MAP3K15: variants seen among roughly 807,000 people sequenced by gnomAD.
MAP3K15 encodes mitogen-activated protein kinase kinase kinase 15, also known as MAPK/ERK kinase kinase 15.
In MAP3K15, 124 loss-of-function variants were observed where a neutral mutation model predicts 99.5. That is an observed-to-expected ratio of 1.25 (90% confidence interval 1.08 to 1.45). The LOEUF (loss-of-function observed/expected upper bound fraction) is 1.45, where lower values mean the gene tolerates loss of function less well. Ranked by LOEUF, MAP3K15 falls within the 40% of genes most tolerant of loss-of-function variation. MAP3K15 has a pLI of 0.00. For missense variants in MAP3K15, 1,242 were observed against 1,079.7 expected, an observed-to-expected ratio of 1.15 and a Z score of -2.11; for synonymous variants, 494 against 439.6, an observed-to-expected ratio of 1.12 and a Z score of -1.55.
chrX:19,400,888 G>C (rs2063603401), intron 13 of MAP3K15, among the ~76,000 whole-genome samples: 2 of 111,461 alleles, frequency 1.8e-5, no homozygotes, highest in Admixed American at 1.9e-4. Context: ...TCCACCAACT[G>C]GTTGACCAAT....
At position 19,515,085 on chromosome X, in the gene MAP3K15, C is replaced by G; in HGVS notation, c.177G>C (p.Arg59=). 1.1e-6 allele frequency: 1 copy of G among 871,191 alleles called. No homozygotes were observed. The highest frequency in any genetic ancestry group is 1.5e-6 in the Non-Finnish European group (1 of 675,545). The allele number at this position is 871,191 out of a possible 1,213,427, so 71.8% of individuals were successfully genotyped here. ...GEGESGGGPR[R]ALRAVYVRSE... The stretch of plus-strand genomic sequence containing the variant: ...TGCGCACGTATACTGCCCGCAGAGC[C>G]CGCCGCGGCCCGCCCCCACTCTCGC... The change falls in exon 1 of 29, where the codon CGG becomes CGC. Residue 59 remains arginine (R), a synonymous_variant. Coordinates refer to ENST00000338883, the MANE Select transcript of MAP3K15 (RefSeq NM_001001671.4).
intron 25 of MAP3K15, among the ~76,000 whole-genome samples, chrX:19,363,287 G>C (rs1348341775): frequency 3.6e-5 from 4 of 112,140 alleles, no homozygotes; most frequent in Non-Finnish European, 7.5e-5. Context: ...CACACCGCGA[G>C]AAGATGGCCA....
intron 9 of MAP3K15, among the ~76,000 whole-genome samples, chrX:19,418,253 G>A (rs969947114): frequency 3.6e-5 from 4 of 111,195 alleles, no homozygotes; most frequent in Non-Finnish European, 7.5e-5. Context: ...CGAGCTAAAG[G>A]AGGAAGTTCG....
chrX:19,419,084 A>T (rs1373189044), intron 9 of MAP3K15, among the ~76,000 whole-genome samples: 3 of 112,251 alleles, frequency 2.7e-5, no homozygotes, highest in Non-Finnish European at 5.6e-5. Flanking sequence ...CTGCAAAAAC[A>T]TGCCAAATTG....
chrX:19,434,473 G>T (rs1301575935), intron 6 of MAP3K15, among the ~76,000 whole-genome samples: 1 of 108,835 alleles, frequency 9.2e-6, no homozygotes, highest in Non-Finnish European at 1.9e-5. Context: ...CATGATCTCA[G>T]GTGATCCACC....
intron 15 of MAP3K15, among the ~76,000 whole-genome samples, 163 bp downstream of exon 15, chrX:19,398,063 C>CA (rs147279112): frequency 0.093 from 4,634 of 49,992 alleles, 188 homozygotes; most frequent in African/African-American, 0.14. Context: ...GACTCCGTTT[C>CA]AAAAAAAAAA....
intron 2 of MAP3K15, among the ~76,000 whole-genome samples, 163 bp from the exon 3 acceptor site, chrX:19,486,668 C>T (rs745513629): frequency 3.6e-5 from 4 of 111,358 alleles, no homozygotes; most frequent in Non-Finnish European, 7.5e-5. Context: ...ACCTCCCTCT[C>T]CAAAAGCTTC....
chrX:19,409,792 T>G (rs974831826), intron 12 of MAP3K15, 132 bp downstream of exon 12: 10 of 509,340 alleles, frequency 2.0e-5, no homozygotes, highest in Admixed American at 3.7e-5. Flanking sequence ...GACAACATAA[T>G]AGAGAGTCCA....
chrX:19,440,482 C>T (rs1026833739), intron 6 of MAP3K15, among the ~76,000 whole-genome samples: 14 of 112,033 alleles, frequency 1.2e-4, no homozygotes, highest in African/African-American at 4.5e-4. Flanking sequence ...CGTACAGATC[C>T]GAATAGTTGT....
chrX:19,424,442 C>T (rs1033779828), intron 9 of MAP3K15, among the ~76,000 whole-genome samples: 10 of 109,398 alleles, frequency 9.1e-5, no homozygotes, highest in African/African-American at 3.3e-4. Context: ...TCCACCCCTC[C>T]TGGGCCTTTC....
At chrX:19,426,867 TAC>T (rs1430428086) in intron 7 of MAP3K15, among the ~76,000 whole-genome samples, 1 of 102,553 alleles carries the variant, frequency 9.8e-6, no homozygotes, top group Non-Finnish European at 1.9e-5. Flanking sequence ...CACAGTAACT[TAC>T]ACTAGGGAGT....
At chrX:19,391,529 T>G (rs1602265296) in intron 18 of MAP3K15, among the ~76,000 whole-genome samples, 1 of 105,213 alleles carries the variant, frequency 9.5e-6, no homozygotes, top group South Asian at 4.3e-4. Context: ...AATAGAAAAT[T>G]AGGTGTGGTA....
chrX:19,447,883 C>CAAAAAAAAAAAAAA (rs753152404), intron 6 of MAP3K15, among the ~76,000 whole-genome samples: 62 of 25,949 alleles, frequency 2.4e-3, no homozygotes, highest in African/African-American at 7.2e-3. Flanking sequence ...GACTCCGTCT[C>CAAAAAAAAAAAAAA]AAAAAAAAAA....
intron 16 of MAP3K15, among the ~76,000 whole-genome samples, chrX:19,393,306 C>A (rs1569208698): frequency 9.0e-6 from 1 of 111,408 alleles, no homozygotes; most frequent in Non-Finnish European, 1.9e-5. Context: ...ACCCTTAAAC[C>A]TAACGCCGGG....
chrX:19,404,372 C>T (rs2063632673), intron 13 of MAP3K15, among the ~76,000 whole-genome samples: 1 of 111,885 alleles, frequency 8.9e-6, no homozygotes, highest in Non-Finnish European at 1.9e-5. Context: ...AAATAGAAAT[C>T]CATCTTGTGT....
At chrX:19,447,868 A>G (rs1205962142) in intron 6 of MAP3K15, among the ~76,000 whole-genome samples, 1 of 55,385 alleles carries the variant, frequency 1.8e-5, no homozygotes, top group African/African-American at 5.9e-5. Context: ...TGGGCGACAG[A>G]GCGAGACTCC....
chrX:19,508,706 G>T (rs1315666865), intron 1 of MAP3K15, among the ~76,000 whole-genome samples: 2 of 110,403 alleles, frequency 1.8e-5, no homozygotes, highest in African/African-American at 6.6e-5. Context: ...CACAGAGTGA[G>T]AGTTCACCTC....
chrX:19,425,581 C>T lies in MAP3K15; in HGVS notation c.1389G>A (p.Gly463=), dbSNP rs746342643. The change falls in exon 9 of 29, where the codon GGG becomes GGA. Residue 463 remains glycine, a synonymous_variant. Transcript: ENST00000338883. The part of the protein sequence containing the change: ...FSVSMLAHDV[G]KAVQAAERLF... ...ACCTCTCTGCTGCCTGGACGGCTTT[C>T]CCGACATCATGGGCCAGCATGCTGA... is the stretch of plus-strand genomic sequence containing the variant. 1 of 1,199,314 alleles carries T rather than the reference C, an allele frequency of 8.3e-7. No homozygotes were observed. The highest frequency in any genetic ancestry group is 1.1e-6 in the Non-Finnish European group (1 of 894,611).
intron 6 of MAP3K15, among the ~76,000 whole-genome samples, chrX:19,447,901 A>AAAAAAAAAAAAAAAAAC (rs2064012210): frequency 1.0e-5 from 1 of 96,363 alleles, no homozygotes; most frequent in Non-Finnish European, 2.1e-5. Context: ...AAAAAAAAAA[A>AAAAAAAAAAAAAAAAAC]AAAAGAAACC....
Sources: allele counts gnomAD v4.1 joint callset (sites outside exome capture counted in the v4.1 genomes callset), GRCh38; gene constraint gnomAD v4.1.1; transcripts MANE v1.5; gene names NCBI Gene and HGNC (gene_info 2026-07-23, HGNC 2026-07-21).